Variants in CDC42SE2 observed in about 807,000 individuals in gnomAD.
CDC42SE2 encodes the protein CDC42 small effector 2.
A neutral mutation model predicts 11.5 loss-of-function variants in CDC42SE2; 3 were observed. The ratio of observed to expected loss-of-function variants is 0.26; its 90% CI spans 0.12 to 0.67. CDC42SE2 has a LOEUF of 0.67. CDC42SE2 is among the 30% of genes least tolerant of loss of function. The pLI, the probability that CDC42SE2 is intolerant of heterozygous loss-of-function variation, is 0.80. For missense variants in CDC42SE2, 82 were observed against 106.8 expected (o/e 0.77, Z 1.02); for synonymous variants, 33 against 34.8 (o/e 0.95, Z 0.18).
intron 3 of CDC42SE2, among the ~76,000 whole-genome samples, chr5:131,373,317 G>C (rs1278421524): frequency 1.3e-5 from 2 of 152,226 alleles, no homozygotes; most frequent in Admixed American, 1.3e-4. Flanking sequence ...TGGGATGGTA[G>C]AGTGGGAACC....
At chr5:131,379,810 C>CT (rs1750265514) in intron 3 of CDC42SE2, among the ~76,000 whole-genome samples, 1 of 152,212 alleles carries the variant, frequency 6.6e-6, no homozygotes, top group South Asian at 2.1e-4. Flanking sequence ...AACACGGTGA[C>CT]TCTGCTAACG....
intron 2 of CDC42SE2, among the ~76,000 whole-genome samples, chr5:131,347,952 C>G (rs1283355561): frequency 6.6e-6 from 1 of 152,210 alleles, no homozygotes; most frequent in Non-Finnish European, 1.5e-5. Context: ...AACAACGCTT[C>G]ATGCTAAAAA....
chr5:131,312,264 G>A (rs1356395433), intron 1 of CDC42SE2, among the ~76,000 whole-genome samples: 1 of 152,086 alleles, frequency 6.6e-6, no homozygotes, highest in East Asian at 1.9e-4. Context: ...TCGGGGGTTA[G>A]GGGTCAGGGA....
intron 2 of CDC42SE2, among the ~76,000 whole-genome samples, chr5:131,323,026 T>A (rs1004116431): frequency 2.0e-5 from 3 of 151,952 alleles, no homozygotes; most frequent in African/African-American, 7.3e-5. Context: ...TCCCAAATAT[T>A]TTTTTTTCTT....
At chr5:131,228,358 C>T in the CDC42SE2 span, among the ~76,000 whole-genome samples, 6 of 152,086 alleles carry the variant, frequency 3.9e-5, no homozygotes, top group African/African-American at 1.4e-4. Context: ...CAGAGCAAGA[C>T]CTTGTCTCAA....
chr5:131,394,203 A>ATCTT lies in CDC42SE2; in HGVS notation c.*3114_*3117dup, dbSNP rs1185212459. On this transcript the variant is annotated 3_prime_UTR_variant, in exon 5 of 5. Transcript: ENST00000505065. ...CTACTCAACATTCATTATACTGTTAATCTTTGCTGAAATATATGCTAACAA... is the reference window on the plus strand; with the variant it reads ...CTACTCAACATTCATTATACTGTTAATCTTTCTTTGCTGAAATATATGCTAACAA... 15 of 152,330 alleles carry ATCTT rather than the reference A, an allele frequency of 9.8e-5. No homozygotes were observed. The highest frequency in any genetic ancestry group is 1.4e-4 in the African/African-American group (6 of 41,440). The allele number at this position is 152,330 out of a possible 1,614,324, so 9.4% of individuals were successfully genotyped here.
chr5:131,383,348 C>T (rs1343125594), intron 3 of CDC42SE2, among the ~76,000 whole-genome samples: 1 of 152,130 alleles, frequency 6.6e-6, no homozygotes, highest in Non-Finnish European at 1.5e-5. Context: ...ACCATTTTAA[C>T]CTGCAAGTTT....
intron 2 of CDC42SE2, among the ~76,000 whole-genome samples, chr5:131,334,864 T>C (rs1221753059): frequency 1.3e-5 from 2 of 152,178 alleles, no homozygotes; most frequent in Admixed American, 6.5e-5. Flanking sequence ...CTTTTCTTCT[T>C]TATTAGTCTT....
intron 2 of CDC42SE2, among the ~76,000 whole-genome samples, chr5:131,324,988 C>T (rs1758266816): frequency 1.3e-5 from 2 of 152,042 alleles, no homozygotes; most frequent in Non-Finnish European, 2.9e-5. Context: ...TTTAGATGCC[C>T]TTAAATAATA....
intron 2 of CDC42SE2, among the ~76,000 whole-genome samples, chr5:131,258,237 CTG>C (rs377591923): frequency 6.4e-4 from 96 of 150,982 alleles, no homozygotes; most frequent in African/African-American, 2.3e-3. Flanking sequence ...GTTTTTTTTT[CTG>C]TGTGAAATCT....
At chr5:131,362,052 C>T (rs1413462533) in intron 3 of CDC42SE2, among the ~76,000 whole-genome samples, 2 of 152,122 alleles carry the variant, frequency 1.3e-5, no homozygotes, top group East Asian at 1.9e-4. Context: ...AACATTTGGG[C>T]CCAAAAGCAG....
chr5:131,296,694 A>G (rs893379524), intron 1 of CDC42SE2, among the ~76,000 whole-genome samples: 1 of 152,174 alleles, frequency 6.6e-6, no homozygotes, highest in Non-Finnish European at 1.5e-5. Flanking sequence ...ACGTAAGGTC[A>G]CATTCAGAGG....
intron 1 of CDC42SE2, among the ~76,000 whole-genome samples, chr5:131,304,687 G>C (rs1398615618): frequency 6.6e-6 from 1 of 152,114 alleles, no homozygotes; most frequent in Non-Finnish European, 1.5e-5. Context: ...TACTAGGTTA[G>C]TTAGAGTACT....
chr5:131,345,757 G>A (rs911943130), intron 2 of CDC42SE2, among the ~76,000 whole-genome samples: 2 of 152,140 alleles, frequency 1.3e-5, no homozygotes, highest in Non-Finnish European at 2.9e-5. Flanking sequence ...GAGAAAGGTC[G>A]GGTTACCCAC....
chr5:131,264,502 C>T (rs995564801), intron 1 of CDC42SE2, among the ~76,000 whole-genome samples: 2 of 148,266 alleles, frequency 1.3e-5, no homozygotes, highest in South Asian at 4.2e-4. Flanking sequence ...CCCCCCCCCT[C>T]CCCCCAACTT....
chr5:131,265,575 G>A (rs558229486), intron 1 of CDC42SE2, among the ~76,000 whole-genome samples: 2 of 152,264 alleles, frequency 1.3e-5, no homozygotes, highest in African/African-American at 4.8e-5. Flanking sequence ...AAACTTGAAT[G>A]CAAAGTTATT....
chr5:131,348,798 A>G (rs1758922682), intron 2 of CDC42SE2, among the ~76,000 whole-genome samples: 1 of 152,244 alleles, frequency 6.6e-6, no homozygotes, highest in South Asian at 2.1e-4. Context: ...ACAAAGATAT[A>G]GACCAATGGA....
chr5:131,243,019 G>A (rs1006880350), upstream of CDC42SE2, among the ~76,000 whole-genome samples: 1 of 152,186 alleles, frequency 6.6e-6, no homozygotes, highest in Admixed American at 6.5e-5. Context: ...ACTTCCTGGA[G>A]CAATAAGCAC....
Position 131,359,332 on chromosome 5 carries a change from G to A in CDC42SE2, c.-162G>A, listed in dbSNP as rs562703572. The A allele has an allele frequency of 1.7e-5, 11 of 655,946 alleles. No homozygotes were observed. Among genetic ancestry groups the A allele is most frequent in the South Asian group, 1.1e-4 (6 of 54,994 alleles). 40.6% of individuals were successfully genotyped at this position (655,946 alleles called of 1,614,324 possible). ...AATCCAAATTTTTCTTTATTAAATC[G>A]ACTGTGTAAGATACTTGACTTCCAG... On this transcript the variant is annotated 5_prime_UTR_variant, in exon 3 of 5. Transcript: ENST00000505065.
Sources: allele counts gnomAD v4.1 joint callset (sites outside exome capture counted in the v4.1 genomes callset), GRCh38; gene constraint gnomAD v4.1.1; transcripts MANE v1.5; gene names NCBI Gene and HGNC (gene_info 2026-07-23, HGNC 2026-07-21).